Variants in SCN2A observed in about 807,000 individuals in gnomAD.
SCN2A encodes sodium voltage-gated channel alpha subunit 2.
SCN2A carries 20 observed loss-of-function variants against 188.7 expected under a neutral mutation model. The observed-to-expected ratio is 0.11, with a 90% confidence interval of 0.07 to 0.15. The LOEUF is 0.15. Ranked by LOEUF, SCN2A falls within the 10% of genes least tolerant of loss-of-function variation. The pLI, the probability that SCN2A is intolerant of heterozygous loss-of-function variation, is 1.00. For synonymous variants in SCN2A, 804 were observed against 833.1 expected, an observed-to-expected ratio of 0.97 and a Z score of 0.60; for missense variants, 1,278 against 2,445.0, an observed-to-expected ratio of 0.52 and a Z score of 10.07.
chr2:165,305,499 T>C (rs1193315374), intron 3 of SCN2A, among the ~76,000 whole-genome samples: 1 of 152,154 alleles, frequency 6.6e-6, no homozygotes, highest in Non-Finnish European at 1.5e-5. Context: ...ATGGCTTACA[T>C]ACCTTATGTC....
At chr2:165,294,359 C>T (rs905770487) in intron 1 of SCN2A, among the ~76,000 whole-genome samples, 6 of 151,958 alleles carry the variant, frequency 3.9e-5, no homozygotes, top group African/African-American at 1.2e-4. Context: ...GCATGAGGGT[C>T]TCTAGGAATG....
chr2:165,370,340 A>G (rs1389043889), intron 20 of SCN2A, 41 bp downstream of exon 20: 2 of 1,601,452 alleles, frequency 1.2e-6, no homozygotes, highest in African/African-American at 2.7e-5. Context: ...ATTGGCATAT[A>G]TGTAATAGTT....
rs531803599 is a variant in SCN2A, at chr2:165,365,283, A to G, written c.3520+20A>G. The stretch of plus-strand genomic sequence containing the variant: ...CAGAAGGTAAGCAAAACAATAACAT[A>G]TGTGGTCTTGAGTATCCTCTTTTCT... On this transcript the variant is annotated intron_variant, in intron 18 of 26. Coordinates refer to ENST00000375437, the MANE Select transcript of SCN2A (RefSeq NM_001040142.2). 12 of 1,613,284 alleles carry G rather than the reference A, an allele frequency of 7.4e-6. No individual in the cohort carries two copies. The South Asian group carries it at 7.7e-5, about 10-fold the overall frequency.
intron 14 of SCN2A, among the ~76,000 whole-genome samples, chr2:165,335,070 C>T (rs1382060388): frequency 1.3e-5 from 2 of 151,502 alleles, no homozygotes; most frequent in Non-Finnish European, 3.0e-5. Context: ...GAGATTTGTA[C>T]ACTCAAAGCT....
chr2:165,242,634 T>C (rs555636720), intron 1 of SCN2A, among the ~76,000 whole-genome samples: 30 of 152,168 alleles, frequency 2.0e-4, no homozygotes, highest in Non-Finnish European at 3.7e-4. Context: ...GTAGGAGAGA[T>C]AACATTTTAT....
chr2:165,373,839 A>G (rs1393359373), intron 21 of SCN2A, among the ~76,000 whole-genome samples: 2 of 152,108 alleles, frequency 1.3e-5, no homozygotes, highest in African/African-American at 2.4e-5. Flanking sequence ...GGGTGGTACA[A>G]AAGAACAGAG....
chr2:165,354,657 G>C lies in SCN2A; in HGVS notation c.3385G>C (p.Glu1129Gln). 6.2e-7 allele frequency: 1 copy of C among 1,613,646 alleles called. No homozygotes were observed. Among genetic ancestry groups the C allele is most frequent in the Non-Finnish European group, 8.5e-7 (1 of 1,179,920 alleles). Residue 1129 changes from glutamate to glutamine, a missense_variant, in exon 17 of 27, where the codon GAG (glutamate) becomes CAG (glutamine). By Grantham distance (29) the Glu-to-Gln change is conservative. This residue lies in a region of SCN2A where 228 missense variants were observed against 297.3 expected (regional missense o/e 0.77). Coordinates refer to ENST00000375437, the MANE Select transcript of SCN2A (RefSeq NM_001040142.2). The stretch of plus-strand genomic sequence containing the variant: ...AGAATTCAGCAGCGAGTCAGATATG[G>C]AGGAAAGCAAAGAGGTAAAAATGTT... Reference protein sequence around the residue: ...TEEFSSESDMEESKEKLNATS... With the variant: ...TEEFSSESDMQESKEKLNATS...
chr2:165,297,019 G>T lies in SCN2A; in HGVS notation c.270G>T (p.Thr90=). 1 of 1,557,650 alleles carries T rather than the reference G, an allele frequency of 6.4e-7. No homozygotes were observed. Among genetic ancestry groups the T allele is most frequent in the Non-Finnish European group, 8.8e-7 (1 of 1,130,582 alleles). ...ATGTGTTGTGTTTTCTTTTTCAGACGTTTATAGTATTGAATAAAGGGAAAG... is the reference window on the plus strand; with the variant it reads ...ATGTGTTGTGTTTTCTTTTTCAGACTTTTATAGTATTGAATAAAGGGAAAG... The part of the protein sequence containing the change: ...DLDPYYINKK[T]FIVLNKGKAI... Residue 90 remains threonine, a splice_region_variant and synonymous_variant, in exon 3 of 27, where the codon ACG becomes ACT. Transcript: ENST00000375437.
Position 165,392,141 on chromosome 2 carries a change from G to C in SCN2A, c.*2317G>C, listed in dbSNP as rs1702143045. 6.6e-6 allele frequency: 1 copy of C among 152,398 alleles called. No individual in the cohort carries two copies. Among genetic ancestry groups the C allele is most frequent in the Admixed American group, 6.6e-5 (1 of 15,232 alleles). 9.4% of individuals were successfully genotyped at this position (152,398 alleles called of 1,614,324 possible). A position where few individuals can be genotyped will look rare whatever the true frequency, so the allele number is the denominator to read the frequency against. ...AATCTATCTGAAAAACAAATGTAAA[G>C]AACACACATTAATTACTATAATTCA... On this transcript the variant is annotated 3_prime_UTR_variant, in exon 27 of 27. Coordinates refer to ENST00000375437, the MANE Select transcript of SCN2A (RefSeq NM_001040142.2).
chr2:165,310,592 A>G lies in SCN2A; in HGVS notation c.967A>G (p.Lys323Glu). 2 of 1,608,142 alleles carry G rather than the reference A, an allele frequency of 1.2e-6. No homozygotes were observed. The highest frequency in any genetic ancestry group is 2.2e-5 in the South Asian group (2 of 90,842). Residue 323 changes from lysine to glutamate, a missense_variant, in exon 7 of 27, where the codon AAA becomes GAA. Coordinates refer to ENST00000375437, the MANE Select transcript of SCN2A (RefSeq NM_001040142.2). Reference protein sequence around the residue: ...IFNWDEYIEDKSHFYFLEGQN... With the variant: ...IFNWDEYIEDESHFYFLEGQN... Reference sequence around the variant, plus strand: ...TAACTGGGATGAATATATTGAGGATAAAAGTAAGATATACTCTATAAACCA... The same window carrying G: ...TAACTGGGATGAATATATTGAGGATGAAAGTAAGATATACTCTATAAACCA...
chr2:165,341,287 G>C (rs1699302385), intron 14 of SCN2A, among the ~76,000 whole-genome samples: 1 of 151,708 alleles, frequency 6.6e-6, no homozygotes, highest in Non-Finnish European at 1.5e-5. Flanking sequence ...TAGAGAAGAG[G>C]TTTCACCGTG....
At chr2:165,305,803 C>T (rs1180802969) in intron 3 of SCN2A, among the ~76,000 whole-genome samples, 1 of 152,130 alleles carries the variant, frequency 6.6e-6, no homozygotes. Context: ...GCAGCTCTTT[C>T]AAAAAGTTTG....
chr2:165,248,210 G>A (rs1369739001), intron 1 of SCN2A, among the ~76,000 whole-genome samples: 5 of 152,026 alleles, frequency 3.3e-5, no homozygotes, highest in African/African-American at 1.2e-4. Context: ...GTAAGATTAC[G>A]CCACATCCCT....
Position 165,295,847 on chromosome 2 carries a change from G to T in SCN2A, c.24G>T (p.Pro8=), listed in dbSNP as rs149534277. Residue 8 remains proline, a synonymous_variant, in exon 2 of 27, where the codon CCG becomes CCT. Transcript: ENST00000375437. MAQSVLV[P]PGPDSFRFFT... ...AGATGGCACAGTCAGTGCTGGTACC[G>T]CCAGGACCTGACAGCTTCCGCTTCT... is the stretch of plus-strand genomic sequence containing the variant. The T allele has an allele frequency of 4.3e-6, 7 of 1,613,934 alleles. No individual in the cohort carries two copies. The highest frequency in any genetic ancestry group is 2.7e-5 in the African/African-American group (2 of 74,882).
At position 165,255,979 on chromosome 2, in the gene SCN2A, G is replaced by GTTTTCA. The variant is rs576844312; in HGVS notation, c.-52+16343_-52+16348dup. On this transcript the variant is annotated intron_variant, in intron 1 of 26. Transcript: ENST00000375437. The stretch of plus-strand genomic sequence containing the variant: ...GACCTTCTCTAGCTCAACAGGAAAT[G>GTTTTCA]TTTTCATTTGGGGCTCTTTTCTTTT... 5.3e-4 allele frequency among the ~76,000 whole-genome samples: 52 copies of GTTTTCA among 97,646 alleles called. No homozygotes were observed. In the South Asian group the frequency reaches 9.9e-3, roughly 19 times the overall value. The allele number at this position is 97,646 out of a possible 152,430, so 64.1% of individuals were successfully genotyped here.
chr2:165,285,318 C>T, intron 1 of SCN2A: 1 of 163,082 alleles, frequency 6.1e-6, no homozygotes. Context: ...GCATACTGGC[C>T]TGGATCAATG....
chr2:165,332,184 C>T (rs10187103), intron 14 of SCN2A, among the ~76,000 whole-genome samples: 42,355 of 151,328 alleles, frequency 0.28, 6,219 homozygotes, highest in Middle Eastern at 0.49. Context: ...AAGAAAATCA[C>T]GCAAAAAAGT....
intron 16 of SCN2A, among the ~76,000 whole-genome samples, chr2:165,346,888 T>A (rs1350751641): frequency 1.3e-5 from 2 of 152,004 alleles, no homozygotes; most frequent in Non-Finnish European, 2.9e-5. Flanking sequence ...AAAACCACAA[T>A]GAGATACCAC....
chr2:165,377,997 A>G (rs982040288), intron 23 of SCN2A, among the ~76,000 whole-genome samples: 1 of 151,776 alleles, frequency 6.6e-6, no homozygotes, highest in Non-Finnish European at 1.5e-5. Flanking sequence ...TTTATCTGTA[A>G]TATATTTCCT....
Sources: allele counts gnomAD v4.1 joint callset (sites outside exome capture counted in the v4.1 genomes callset), GRCh38; gene constraint gnomAD v4.1.1; regional missense constraint gnomAD v4.1.1; transcripts MANE v1.5; gene names NCBI Gene and HGNC (gene_info 2026-07-23, HGNC 2026-07-21).